MARCHF1: variants seen among roughly 807,000 people sequenced by gnomAD.
MARCHF1 encodes the protein E3 ubiquitin-protein ligase MARCHF1.
A neutral mutation model predicts 54.2 loss-of-function variants in MARCHF1; 40 were observed. The ratio of observed to expected loss-of-function variants is 0.74; its 90% confidence interval spans 0.57 to 0.96. The LOEUF (loss-of-function observed/expected upper bound fraction) is 0.96, where lower values mean the gene tolerates loss of function less well. Ranked by LOEUF, MARCHF1 falls within the 40% of genes least tolerant of loss-of-function variation. The pLI is 0.00. For missense variants in MARCHF1, 586 were observed against 656.5 expected (o/e 0.89, Z 1.17); for synonymous variants, 236 against 236.3 (o/e 1.00, Z 0.01).
At chr4:163,571,726 CTCA>C in intron 8 of MARCHF1, among the ~76,000 whole-genome samples, 1 of 151,148 alleles carries the variant, frequency 6.6e-6, no homozygotes, top group East Asian at 1.9e-4. Context: ...AACTGATTTG[CTCA>C]GACTTCAAAT....
chr4:163,627,421 T>C (rs1001264273), intron 5 of MARCHF1, among the ~76,000 whole-genome samples: 7 of 152,214 alleles, frequency 4.6e-5, no homozygotes, highest in Non-Finnish European at 8.8e-5. Flanking sequence ...TTCTCATATA[T>C]ACCCTATTCT....
chr4:164,073,158 G>A (rs1247098995), intron 2 of MARCHF1, among the ~76,000 whole-genome samples: 1 of 152,184 alleles, frequency 6.6e-6, no homozygotes, highest in Non-Finnish European at 1.5e-5. Flanking sequence ...TGTAATTTAT[G>A]AGCTGAGTTG....
At chr4:164,377,515 G>A (rs757671957) in intron 1 of MARCHF1, among the ~76,000 whole-genome samples, 6 of 151,976 alleles carry the variant, frequency 3.9e-5, no homozygotes, top group Non-Finnish European at 4.4e-5. Context: ...CTCCATAAAT[G>A]TAGCGCTTAT....
At chr4:163,898,534 C>T (rs1049863050) in intron 3 of MARCHF1, among the ~76,000 whole-genome samples, 8 of 152,156 alleles carry the variant, frequency 5.3e-5, no homozygotes, top group African/African-American at 1.9e-4. Flanking sequence ...CAAAGAACAA[C>T]AGATGTTGGT....
At chr4:163,979,370 C>T (rs1271796431) in intron 3 of MARCHF1, among the ~76,000 whole-genome samples, 3 of 149,482 alleles carry the variant, frequency 2.0e-5, no homozygotes, top group Non-Finnish European at 4.5e-5. Context: ...TTTATGGCTG[C>T]ATAGTATTCC....
intron 2 of MARCHF1, among the ~76,000 whole-genome samples, chr4:164,026,410 G>A (rs995368274): frequency 1.3e-5 from 2 of 152,006 alleles, no homozygotes; most frequent in Admixed American, 6.6e-5. Flanking sequence ...TTGCTTCCTG[G>A]GATGCAAGAC....
chr4:164,376,559 C>T (rs1731199578), intron 1 of MARCHF1, among the ~76,000 whole-genome samples: 1 of 152,234 alleles, frequency 6.6e-6, no homozygotes, highest in East Asian at 1.9e-4. Context: ...AATACAGGTG[C>T]ATGCAGTTGG....
chr4:163,879,804 C>CGCGTGTGTGTGTGT (rs1553960437), intron 3 of MARCHF1, among the ~76,000 whole-genome samples: 83 of 148,494 alleles, frequency 5.6e-4, no homozygotes, highest in African/African-American at 2.0e-3. Flanking sequence ...GATTTAGAGG[C>CGCGTGTGTGTGTGT]GTGTGTGTGT....
At position 163,841,768 on chromosome 4, in the gene MARCHF1, T is replaced by C. The variant is rs73870089; in HGVS notation, c.111+12253A>G. On this transcript the variant is annotated intron_variant, in intron 4 of 9. Coordinates refer to ENST00000514618, the MANE Select transcript of MARCHF1 (RefSeq NM_001394959.1). ...GGTATGACAATGTGTCTGTGGAAGCTGACAATTCGGTAACTGCAGTGTGAA... is the reference window on the plus strand; with the variant it reads ...GGTATGACAATGTGTCTGTGGAAGCCGACAATTCGGTAACTGCAGTGTGAA... Among the ~76,000 whole-genome samples, 733 of 152,260 alleles carry C rather than the reference T, an allele frequency of 4.8e-3. 4 individuals are homozygous for C. The highest frequency in any genetic ancestry group is 0.017 in the African/African-American group (699 of 41,574).
intron 1 of MARCHF1, among the ~76,000 whole-genome samples, chr4:164,299,495 C>G (rs559784348): frequency 1.4e-4 from 21 of 152,132 alleles, no homozygotes; most frequent in Non-Finnish European, 2.6e-4. Context: ...GAAAATGAAT[C>G]AAGTAATCAA....
At chr4:164,121,491 G>A (rs1897220) in intron 1 of MARCHF1, among the ~76,000 whole-genome samples, 99,451 of 151,792 alleles carry the variant, frequency 0.66, 32,978 homozygotes, top group East Asian at 0.9. Flanking sequence ...GGGGGAAAAA[G>A]CCCTTACAAA....
At chr4:163,977,240 A>G (rs1752666084) in intron 3 of MARCHF1, among the ~76,000 whole-genome samples, 1 of 152,084 alleles carries the variant, frequency 6.6e-6, no homozygotes. Flanking sequence ...CAAGTCAGTC[A>G]GGAAAATTAT....
chr4:163,689,903 T>C (rs909430493), intron 5 of MARCHF1, among the ~76,000 whole-genome samples: 1 of 152,230 alleles, frequency 6.6e-6, no homozygotes, highest in Non-Finnish European at 1.5e-5. Flanking sequence ...TAAATTAAAA[T>C]GGTCCATTTT....
At chr4:163,885,274 T>C (rs1010314975) in intron 3 of MARCHF1, among the ~76,000 whole-genome samples, 3 of 152,152 alleles carry the variant, frequency 2.0e-5, no homozygotes, top group Non-Finnish European at 2.9e-5. Flanking sequence ...GTCTCAACCT[T>C]CCTTCATTTA....
At chr4:163,851,135 C>T (rs1749630974) in intron 4 of MARCHF1, among the ~76,000 whole-genome samples, 1 of 151,600 alleles carries the variant, frequency 6.6e-6, no homozygotes, top group Non-Finnish European at 1.5e-5. Context: ...CTTCCCCAAA[C>T]AGGAAAAAAA....
intron 1 of MARCHF1, among the ~76,000 whole-genome samples, chr4:164,350,956 G>A (rs1018717542): frequency 1.1e-4 from 17 of 152,168 alleles, no homozygotes; most frequent in South Asian, 6.2e-4. Flanking sequence ...CCTGGGAAGC[G>A]CAAGGGGTCA....
At chr4:163,801,977 T>C (rs1470376688) in intron 4 of MARCHF1, among the ~76,000 whole-genome samples, 2 of 152,116 alleles carry the variant, frequency 1.3e-5, no homozygotes, top group Non-Finnish European at 2.9e-5. Context: ...GAACGCTAAA[T>C]GTTTTTGATT....
intron 8 of MARCHF1, among the ~76,000 whole-genome samples, chr4:163,569,389 G>A (rs537228952): frequency 6.6e-6 from 1 of 152,202 alleles, no homozygotes; most frequent in Admixed American, 6.5e-5. Flanking sequence ...AAACAGCGTT[G>A]AAAACCAGTT....
intron 2 of MARCHF1, among the ~76,000 whole-genome samples, chr4:164,057,509 G>A (rs1028357285): frequency 9.2e-5 from 14 of 152,286 alleles, no homozygotes; most frequent in African/African-American, 2.9e-4. Context: ...AAGAATATAT[G>A]TTTTGTGGCA....
Sources: allele counts gnomAD v4.1 joint callset (sites outside exome capture counted in the v4.1 genomes callset), GRCh38; gene constraint gnomAD v4.1.1; transcripts MANE v1.5; gene names NCBI Gene and HGNC (gene_info 2026-07-23, HGNC 2026-07-21).